The following MPPE1 variants were observed in gnomAD, a reference collection of about 807,000 sequenced individuals.
MPPE1 encodes metallo phosphoesterase.
Under a neutral mutation model 43.8 loss-of-function variants are expected in MPPE1, and 28 were observed. That is an observed-to-expected ratio of 0.64 (90% CI 0.47 to 0.88). The LOEUF (loss-of-function observed/expected upper bound fraction) is 0.88. Among genes scored for constraint, MPPE1 ranks in the 40% least tolerant of loss-of-function variants. The pLI is 0.00. For missense variants in MPPE1, 428 were observed against 492.2 expected, an observed-to-expected ratio of 0.87 and a Z score of 1.23; for synonymous variants, 159 against 188.5, an observed-to-expected ratio of 0.84 and a Z score of 1.28.
At chr18:11,902,028 T>C (rs758534148) in intron 2 of MPPE1, among the ~76,000 whole-genome samples, 1 of 152,230 alleles carries the variant, frequency 6.6e-6, no homozygotes, top group Non-Finnish European at 1.5e-5. Flanking sequence ...CTTAGAACTT[T>C]TGTCACCTCT....
At position 11,885,821 on chromosome 18, in the gene MPPE1, C is replaced by A; in HGVS notation, c.868-5G>T. The A allele has an allele frequency of 6.2e-7, 1 of 1,601,984 alleles. No individual in the cohort carries two copies. The highest frequency in any genetic ancestry group is 8.5e-7 in the Non-Finnish European group (1 of 1,171,014). Reference sequence around the variant, plus strand: ...CGGCTGGAGCCACCACAGCAGCTGACAGTGGCCGAGAAGACAGCAAAGCAG... The same window carrying A: ...CGGCTGGAGCCACCACAGCAGCTGAAAGTGGCCGAGAAGACAGCAAAGCAG... On this transcript the variant is annotated splice_region_variant and splice_polypyrimidine_tract_variant and intron_variant, in intron 9 of 10. Transcript: ENST00000588072.
At chr18:11,893,101 A>C (rs2038183102) in intron 4 of MPPE1, 1 of 184,364 alleles carries the variant, frequency 5.4e-6, no homozygotes, top group Non-Finnish European at 1.1e-5. Flanking sequence ...TTAAATGTAC[A>C]TTTCAATATG....
intron 5 of MPPE1, 127 bp from the exon 6 acceptor site, chr18:11,888,870 A>C (rs1321290747): frequency 1.8e-6 from 1 of 544,474 alleles, no homozygotes; most frequent in Non-Finnish European, 3.1e-6. Context: ...TAAGGGCTCT[A>C]CCTGGCCCCA....
Position 11,884,177 on chromosome 18 carries a change from T to C in MPPE1, c.*268A>G. On this transcript the variant is annotated 3_prime_UTR_variant, in exon 11 of 11. Transcript: ENST00000588072. ...TGTGAGTGACGACATTAATAGCATT[T>C]ACATACTGTACAGATGCAACCTTTG... is the stretch of plus-strand genomic sequence containing the variant. 1 of 368,056 alleles carries C rather than the reference T, an allele frequency of 2.7e-6. No individual in the cohort carries two copies. Among genetic ancestry groups the C allele is most frequent in the South Asian group, 4.0e-5 (1 of 25,016 alleles). 22.8% of individuals were successfully genotyped at this position (368,056 alleles called of 1,614,324 possible). A position where few individuals can be genotyped will look rare whatever the true frequency, so the allele number is the denominator to read the frequency against.
At chr18:11,889,161 T>C (rs1488640935) in intron 5 of MPPE1, among the ~76,000 whole-genome samples, 1 of 152,230 alleles carries the variant, frequency 6.6e-6, no homozygotes, top group Non-Finnish European at 1.5e-5. Context: ...TCAAGTTAGA[T>C]GTTTCCCAAG....
chr18:11,893,559 C>T lies in MPPE1; in HGVS notation c.299G>A (p.Arg100Lys). The change falls in exon 4 of 11, where the codon AGA becomes AAA. Residue 100 changes from arginine (R) to lysine (K), a missense_variant. Arg to Lys is a conservative substitution (Grantham distance 26). Around this residue, in one of 3 missense-constraint regions of MPPE1, gnomAD observed 379 missense variants for 402.5 expected, o/e 0.94. Transcript: ENST00000588072. ...DKLRREWQME[R>K]AFQTALWLLQ... ...CAACCACAGAGCTGTCTGGAACGCT[C>T]TCTCCATCTGCCATTCCCTTGATGC... 1 of 1,614,146 alleles carries T rather than the reference C, an allele frequency of 6.2e-7. No individual in the cohort carries two copies. Among genetic ancestry groups the T allele is most frequent in the Non-Finnish European group, 8.5e-7 (1 of 1,179,980 alleles).
chr18:11,901,948 TTGC>T, intron 2 of MPPE1, among the ~76,000 whole-genome samples: 1 of 152,342 alleles, frequency 6.6e-6, no homozygotes, highest in East Asian at 1.9e-4. Context: ...TCAACTGCTC[TTGC>T]TGAAATTCTC....
rs943758662 is a variant in MPPE1, at chr18:11,896,311, A to G, written c.281+673T>C. Among the ~76,000 whole-genome samples the G allele has an allele frequency of 1.1e-4, 17 of 151,986 alleles. 1 individual carries two copies. Among genetic ancestry groups the G allele is most frequent in the African/African-American group, 3.9e-4 (16 of 41,442 alleles). ...GAGATGGAGTTGCACCATGTTGGCC[A>G]GGCTGGTCTTGAACTCCTGACCTCA... On this transcript the variant is annotated intron_variant, in intron 3 of 10. Coordinates refer to ENST00000588072, the MANE Select transcript of MPPE1 (RefSeq NM_023075.6).
In MPPE1 at chr18:11,886,604, C is replaced by G; in HGVS notation, c.762G>C (p.Arg254=). ...CCCCAGAACAGTTAGCATCACTTCT[C>G]CGATACAGAGGATAATGCTGTCCGG... The part of the protein sequence containing the change: ...PVLLQHYPLY[R]RSDANCSGED... The change falls in exon 9 of 11, where the codon CGG becomes CGC. Residue 254 remains arginine (R), a synonymous_variant. Coordinates refer to ENST00000588072, the MANE Select transcript of MPPE1 (RefSeq NM_023075.6). This position sits in a 1 kb window ranked among gnomAD's most constrained non-coding sequence, Gnocchi z 4.1. 6.2e-7 allele frequency: 1 copy of G among 1,614,184 alleles called. No homozygotes were observed. Among genetic ancestry groups the G allele is most frequent in the Non-Finnish European group, 8.5e-7 (1 of 1,180,042 alleles).
intron 1 of MPPE1, among the ~76,000 whole-genome samples, chr18:11,906,882 G>C: frequency 6.6e-6 from 1 of 150,790 alleles, no homozygotes; most frequent in Admixed American, 6.6e-5. Flanking sequence ...ATTTATCTTT[G>C]AACTTTTCAA....
intron 4 of MPPE1, among the ~76,000 whole-genome samples, chr18:11,892,478 T>C (rs1332306254): frequency 1.3e-5 from 2 of 152,048 alleles, no homozygotes; most frequent in African/African-American, 2.4e-5. Flanking sequence ...GAGACCAGCC[T>C]GACCAACATG....
chr18:11,904,125 C>A (rs555241599), intron 2 of MPPE1, among the ~76,000 whole-genome samples: 1 of 152,038 alleles, frequency 6.6e-6, no homozygotes, highest in East Asian at 1.9e-4. Context: ...GCCATTCAAC[C>A]AGAGGAAGAC....
rs887823380 is a variant in MPPE1 at position 11,896,204 on chromosome 18, C to T, written c.281+780G>A. ...GCAACCTCTGCCTCCCAGGTTTAAG[C>T]GATTCTCCTGCCTCTGCCTCCGGAG... On this transcript the variant is annotated intron_variant, in intron 3 of 10. Coordinates refer to ENST00000588072, the MANE Select transcript of MPPE1 (RefSeq NM_023075.6). 4.1e-5 allele frequency among the ~76,000 whole-genome samples: 6 copies of T among 145,428 alleles called. No homozygotes were observed. In the South Asian group the frequency reaches 6.4e-4, roughly 16 times the overall value.
rs756564981 is a variant in MPPE1, at chr18:11,889,509, C to T, written c.391-19G>A. ...CCCAGGCCTGAGGGAAAAAGAATCA[C>T]TGCTGAGAGCCAGAGAACCATCTCT... On this transcript the variant is annotated intron_variant, in intron 4 of 10. Coordinates refer to ENST00000588072, the MANE Select transcript of MPPE1 (RefSeq NM_023075.6). 6.3e-7 allele frequency: 1 copy of T among 1,579,160 alleles called. No individual in the cohort carries two copies. The highest frequency in any genetic ancestry group is 1.8e-5 in the Admixed American group (1 of 56,442).
chr18:11,886,773 A>G lies in MPPE1; in HGVS notation c.684T>C (p.Arg228=), dbSNP rs771778454. The stretch of plus-strand genomic sequence containing the variant: ...GCCCAGGTCCACACCGGCTGGAGCC[A>G]CGTGCCTGCTGGGTACAAGTCAGGC... ...SHRLNCSREA[R]GSSRCGPGPL... Residue 228 remains arginine, a synonymous_variant, in exon 8 of 11, where the codon CGT becomes CGC. Coordinates refer to ENST00000588072, the MANE Select transcript of MPPE1 (RefSeq NM_023075.6). The surrounding 1 kb of genome is among the most constrained non-coding windows in gnomAD (Gnocchi z 4.1). The G allele has an allele frequency of 6.2e-7, 1 of 1,612,966 alleles. No individual in the cohort carries two copies. The highest frequency in any genetic ancestry group is 8.5e-7 in the Non-Finnish European group (1 of 1,179,786).
In MPPE1 at chr18:11,883,555, C is replaced by CACTG. The variant is rs1354538925; in HGVS notation, c.*886_*889dup. ...TTCCACTTTTTAAGTTTCTTTTGATCACTGACAGGCATTAACAGATGTAGC... is the reference window on the plus strand; with the variant it reads ...TTCCACTTTTTAAGTTTCTTTTGATCACTGACTGACAGGCATTAACAGATGTAGC... On this transcript the variant is annotated 3_prime_UTR_variant, in exon 11 of 11. Coordinates refer to ENST00000588072, the MANE Select transcript of MPPE1 (RefSeq NM_023075.6). 5 of 153,632 alleles carry CACTG rather than the reference C, an allele frequency of 3.3e-5. No individual in the cohort carries two copies. Among genetic ancestry groups the CACTG allele is most frequent in the Admixed American group, 1.3e-4 (2 of 15,278 alleles). The allele number at this position is 153,632 out of a possible 1,614,324, so 9.5% of individuals were successfully genotyped here.
rs1490882850 is a variant in MPPE1, at chr18:11,883,133, A to C, written c.*1312T>G. The C allele has an allele frequency of 1.3e-5, 2 of 149,272 alleles. No individual in the cohort carries two copies. Among genetic ancestry groups the C allele is most frequent in the East Asian group, 4.0e-4 (2 of 4,958 alleles). The allele number at this position is 149,272 out of a possible 1,614,324, so 9.2% of individuals were successfully genotyped here. On this transcript the variant is annotated 3_prime_UTR_variant, in exon 11 of 11. Transcript: ENST00000588072. ...TTTGTAATCCTTTATAAACTCATCC[A>C]GATTTAAATGCTACTTTTTCATGAA...
Position 11,886,379 on chromosome 18 carries a change from TAA to T in MPPE1, c.867+118_867+119del. 1 of 1,407,026 alleles carries T rather than the reference TAA, an allele frequency of 7.1e-7. No homozygotes were observed. Among genetic ancestry groups the T allele is most frequent in the Non-Finnish European group, 1.0e-6 (1 of 1,004,788 alleles). 87.2% of individuals were successfully genotyped at this position (1,407,026 alleles called of 1,614,324 possible). On this transcript the variant is annotated intron_variant, in intron 9 of 10. Coordinates refer to ENST00000588072, the MANE Select transcript of MPPE1 (RefSeq NM_023075.6). This position sits in a 1 kb window ranked among gnomAD's most constrained non-coding sequence, Gnocchi z 4.1. ...CCTCCACCCCTGTCCCCCCAGGTGA[TAA>T]CTAAGTCATGAACGTTTCAGCAAAC...
chr18:11,888,198 AG>A (rs1346865275), intron 6 of MPPE1, among the ~76,000 whole-genome samples: 2 of 152,224 alleles, frequency 1.3e-5, no homozygotes, highest in Non-Finnish European at 1.5e-5. Context: ...CTGGTCTAAA[AG>A]CCCAGGCCAA....
Sources: allele counts gnomAD v4.1 joint callset (sites outside exome capture counted in the v4.1 genomes callset), GRCh38; gene constraint gnomAD v4.1.1; regional missense constraint gnomAD v4.1.1; non-coding constraint Gnocchi (gnomAD v3.1); transcripts MANE v1.5; gene names NCBI Gene and HGNC (gene_info 2026-07-23, HGNC 2026-07-21).